Variants in AGBL4 observed in about 807,000 individuals in gnomAD.
AGBL4 encodes AGBL carboxypeptidase 4, also known as cytosolic carboxypeptidase 6.
In AGBL4, 58 loss-of-function variants were observed where a neutral mutation model predicts 66.4. That is an observed-to-expected ratio of 0.87 (90% CI 0.71 to 1.09). The LOEUF is 1.09. Among genes scored for constraint, AGBL4 ranks in the 50% least tolerant of loss-of-function variants. The pLI is 0.00. For missense variants in AGBL4, 579 were observed against 631.0 expected, an observed-to-expected ratio of 0.92 and a Z score of 0.88; for synonymous variants, 234 against 222.9, an observed-to-expected ratio of 1.05 and a Z score of -0.44.
chr1:48,590,712 A>AG, intron 10 of AGBL4, 121 bp downstream of exon 10: 1 of 1,126,788 alleles, frequency 8.9e-7, no homozygotes, highest in Non-Finnish European at 1.2e-6. Flanking sequence ...TCACCCACAC[A>AG]ATACCTAACA....
At chr1:48,832,752 G>A (rs1646583678) in intron 6 of AGBL4, among the ~76,000 whole-genome samples, 2 of 152,118 alleles carry the variant, frequency 1.3e-5, no homozygotes, top group South Asian at 4.1e-4. Context: ...GTGTGGGTGA[G>A]CCTCATTCAA....
At position 49,636,475 on chromosome 1, in the gene AGBL4, G is replaced by A. The variant is rs551899232; in HGVS notation, c.282+60838C>T. 3.9e-5 allele frequency among the ~76,000 whole-genome samples: 6 copies of A among 152,148 alleles called. No individual in the cohort carries two copies. The South Asian group carries it at 1.2e-3, about 32-fold the overall frequency. ...CTTTAGGGATTAGGCTTCAACATAC[G>A]AACTTTGGAGAAACATAAGCATTCA... On this transcript the variant is annotated intron_variant, in intron 3 of 13. Coordinates refer to ENST00000371839, the MANE Select transcript of AGBL4 (RefSeq NM_032785.4).
At chr1:49,716,227 G>C (rs1648122077) in intron 2 of AGBL4, among the ~76,000 whole-genome samples, 1 of 152,082 alleles carries the variant, frequency 6.6e-6, no homozygotes, top group Non-Finnish European at 1.5e-5. Flanking sequence ...CCCATTGCTT[G>C]TTTTTGTCAG....
intron 4 of AGBL4, among the ~76,000 whole-genome samples, chr1:49,205,815 A>G (rs1276945758): frequency 6.6e-6 from 1 of 152,180 alleles, no homozygotes; most frequent in Non-Finnish European, 1.5e-5. Context: ...AGTATCTTAT[A>G]AATGGAAAAG....
At chr1:49,806,854 A>G (rs1316334907) in intron 2 of AGBL4, among the ~76,000 whole-genome samples, 1 of 152,152 alleles carries the variant, frequency 6.6e-6, no homozygotes, top group African/African-American at 2.4e-5. Flanking sequence ...ATTCTGGTGC[A>G]GCAGTCTTTG....
chr1:49,968,093 G>A (rs967579523), intron 1 of AGBL4, among the ~76,000 whole-genome samples: 15 of 152,068 alleles, frequency 9.9e-5, no homozygotes, highest in African/African-American at 3.6e-4. Flanking sequence ...CATGATGGCA[G>A]GCACCTGTAA....
chr1:49,891,798 T>C (rs1384959091), intron 1 of AGBL4, among the ~76,000 whole-genome samples: 1 of 152,174 alleles, frequency 6.6e-6, no homozygotes, highest in Non-Finnish European at 1.5e-5. Flanking sequence ...CATCCAGTAA[T>C]ACTGGTCTCC....
intron 4 of AGBL4, among the ~76,000 whole-genome samples, chr1:49,194,963 A>G (rs1014839739): frequency 2.6e-5 from 4 of 151,996 alleles, no homozygotes; most frequent in African/African-American, 9.6e-5. Flanking sequence ...TCAGCAATGG[A>G]GTAGCTGGTA....
At chr1:48,692,297 C>T (rs1005146741) in intron 6 of AGBL4, among the ~76,000 whole-genome samples, 23 of 152,156 alleles carry the variant, frequency 1.5e-4, no homozygotes, top group Admixed American at 9.8e-4. Context: ...CAGTTAATTA[C>T]GAGCTCTAAA....
intron 9 of AGBL4, among the ~76,000 whole-genome samples, chr1:48,620,835 G>A (rs907309678): frequency 3.3e-5 from 5 of 152,104 alleles, no homozygotes; most frequent in Non-Finnish European, 5.9e-5. Context: ...GTGTGTGTAT[G>A]TGGTGTTTTT....
At chr1:49,001,737 G>A (rs747003764) in intron 5 of AGBL4, among the ~76,000 whole-genome samples, 7 of 152,176 alleles carry the variant, frequency 4.6e-5, no homozygotes, top group Middle Eastern at 3.2e-3. Flanking sequence ...TCTGGCCACA[G>A]AGAAAGTTCT....
chr1:48,579,896 C>T (rs1210110707), intron 11 of AGBL4, among the ~76,000 whole-genome samples: 5 of 122,854 alleles, frequency 4.1e-5, no homozygotes, highest in Non-Finnish European at 6.4e-5. Context: ...CCAGCCTGGG[C>T]GAAAGTGAGA....
intron 2 of AGBL4, among the ~76,000 whole-genome samples, chr1:49,787,221 G>T (rs1644476161): frequency 1.3e-5 from 2 of 152,154 alleles, no homozygotes; most frequent in Non-Finnish European, 2.9e-5. Context: ...AACAAAGATT[G>T]GCCGGGCGCA....
intron 2 of AGBL4, among the ~76,000 whole-genome samples, chr1:49,794,721 T>G (rs1358047000): frequency 2.0e-5 from 3 of 152,002 alleles, no homozygotes; most frequent in African/African-American, 7.2e-5. Context: ...TAGACTCATG[T>G]TCCTAGCATA....
intron 2 of AGBL4, among the ~76,000 whole-genome samples, chr1:49,742,552 T>C (rs1650600242): frequency 6.6e-6 from 1 of 151,676 alleles, no homozygotes; most frequent in African/African-American, 2.4e-5. Context: ...AAAAAACTAC[T>C]TTAAAGTTCA....
intron 4 of AGBL4, among the ~76,000 whole-genome samples, chr1:49,183,515 A>C (rs2148190865): frequency 6.6e-6 from 1 of 152,106 alleles, no homozygotes; most frequent in South Asian, 2.1e-4. Context: ...ATAGTCACAA[A>C]AGTGCTATTT....
In AGBL4 at chr1:49,364,947, G is replaced by C. The variant is rs1194851548; in HGVS notation, c.283-119083C>G. Among the ~76,000 whole-genome samples the C allele has an allele frequency of 3.3e-5, 5 of 152,276 alleles. No homozygotes were observed. The East Asian group carries it at 9.6e-4, about 29-fold the overall frequency. On this transcript the variant is annotated intron_variant, in intron 3 of 13. Transcript: ENST00000371839. ...TATACTGAACCTATTGTATGAGATG[G>C]TTGTAAGTTCATGCATGTGAAATGG...
At chr1:49,420,574 A>T (rs1452217695) in intron 3 of AGBL4, among the ~76,000 whole-genome samples, 1 of 151,824 alleles carries the variant, frequency 6.6e-6, no homozygotes, top group East Asian at 1.9e-4. Context: ...GGTGTTGGGC[A>T]CCTGCAGTCC....
chr1:49,154,054 C>T lies in AGBL4; in HGVS notation c.377+91716G>A, dbSNP rs192747570. On this transcript the variant is annotated intron_variant, in intron 4 of 13. Transcript: ENST00000371839. Reference sequence around the variant, plus strand: ...TTAACTTCAAAGACTATGCTCTTTCCACTACAATAGTGGAGAATACCAACA... The same window carrying T: ...TTAACTTCAAAGACTATGCTCTTTCTACTACAATAGTGGAGAATACCAACA... 1.3e-3 allele frequency among the ~76,000 whole-genome samples: 195 copies of T among 152,150 alleles called. 1 individual carries two copies. The highest frequency in any genetic ancestry group is 2.9e-3 in the Admixed American group (44 of 15,284).
Sources: allele counts gnomAD v4.1 joint callset (sites outside exome capture counted in the v4.1 genomes callset), GRCh38; gene constraint gnomAD v4.1.1; transcripts MANE v1.5; gene names NCBI Gene and HGNC (gene_info 2026-07-23, HGNC 2026-07-21).